Variants in TRIQK observed in about 807,000 individuals in gnomAD.
TRIQK encodes triple QxxK/R motif containing, also known as triple QxxK/R motif-containing protein.
TRIQK carries 10 observed loss-of-function variants against 10.8 expected under a neutral mutation model. The observed-to-expected ratio is 0.92, with a 90% CI of 0.57 to 1.57. TRIQK has a LOEUF of 1.57. TRIQK is among the 40% of genes most tolerant of loss of function. The probability of loss-of-function intolerance (pLI) is 0.00; values close to 1 mark genes in which losing one functional copy is unlikely to be tolerated. For synonymous variants in TRIQK, 33 were observed against 33.7 expected, an observed-to-expected ratio of 0.98 and a Z score of 0.07; for missense variants, 107 against 97.7, an observed-to-expected ratio of 1.09 and a Z score of -0.40.
chr8:92,908,573 G>T (rs1045117070), intron 3 of TRIQK, among the ~76,000 whole-genome samples: 1 of 151,950 alleles, frequency 6.6e-6, no homozygotes, highest in Non-Finnish European at 1.5e-5. Context: ...CCTTTAATTA[G>T]AAAAAAGTAA....
chr8:92,894,128 T>G (rs1816895469), intron 3 of TRIQK, among the ~76,000 whole-genome samples: 1 of 152,134 alleles, frequency 6.6e-6, no homozygotes, highest in Admixed American at 6.6e-5. Context: ...GAAACTGTAT[T>G]TATAATAAAA....
chr8:92,995,457 A>T (rs184659381), intron 1 of TRIQK, among the ~76,000 whole-genome samples: 1 of 152,088 alleles, frequency 6.6e-6, no homozygotes, highest in African/African-American at 2.4e-5. Flanking sequence ...GGTCTTTGTT[A>T]TTAAAATCAA....
At chr8:93,002,588 G>A (rs751062160) in intron 1 of TRIQK, among the ~76,000 whole-genome samples, 2 of 152,192 alleles carry the variant, frequency 1.3e-5, no homozygotes, top group South Asian at 2.1e-4. Context: ...GACCAATAAT[G>A]AATGAAGAAA....
intron 2 of TRIQK, among the ~76,000 whole-genome samples, chr8:92,931,287 A>C (rs763976554): frequency 1.6e-4 from 25 of 152,128 alleles, no homozygotes; most frequent in Non-Finnish European, 3.2e-4. Context: ...ATTTATATGC[A>C]TTTTACATTG....
At chr8:92,994,542 C>A (rs1813133203) in intron 1 of TRIQK, among the ~76,000 whole-genome samples, 2 of 151,992 alleles carry the variant, frequency 1.3e-5, no homozygotes, top group Admixed American at 1.3e-4. Context: ...TTATTATTTT[C>A]ATTTTTATGT....
intron 1 of TRIQK, among the ~76,000 whole-genome samples, chr8:92,956,104 C>T (rs185465591): frequency 1.3e-4 from 19 of 151,634 alleles, no homozygotes; most frequent in African/African-American, 4.1e-4. Flanking sequence ...AACTTATATA[C>T]GAATGTTCAT....
At chr8:93,003,295 G>A (rs1813233051) in intron 1 of TRIQK, among the ~76,000 whole-genome samples, 1 of 132,628 alleles carries the variant, frequency 7.5e-6, no homozygotes, top group South Asian at 2.4e-4. Flanking sequence ...AAGCAAGCAT[G>A]TTTCCCGCTT....
intron 2 of TRIQK, among the ~76,000 whole-genome samples, chr8:92,919,599 CT>C (rs1182226534): frequency 6.6e-6 from 1 of 151,444 alleles, no homozygotes; most frequent in East Asian, 1.9e-4. Context: ...TGTAGTATTC[CT>C]TTTTTTTATT....
At position 92,933,079 on chromosome 8, in the gene TRIQK, A is replaced by G. The variant is rs147130150; in HGVS notation, c.-21-16069T>C. Among the ~76,000 whole-genome samples the G allele has an allele frequency of 1.1e-4, 17 of 152,228 alleles. No homozygotes were observed. The East Asian group carries it at 3.3e-3, about 29-fold the overall frequency. On this transcript the variant is annotated intron_variant, in intron 2 of 4. Coordinates refer to ENST00000521988, the MANE Select transcript of TRIQK (RefSeq NM_001171797.2). Reference sequence around the variant, plus strand: ...ATATGCTCATTTCTAATAAACTGATACTGTTCACAGGCCTTCTAAGGAGAG... The same window carrying G: ...ATATGCTCATTTCTAATAAACTGATGCTGTTCACAGGCCTTCTAAGGAGAG...
intron 1 of TRIQK, among the ~76,000 whole-genome samples, chr8:92,982,111 A>C (rs1252272445): frequency 6.6e-6 from 1 of 151,812 alleles, no homozygotes; most frequent in Non-Finnish European, 1.5e-5. Context: ...TTTCCTTAGA[A>C]AAATAAATAT....
At chr8:92,974,103 A>C (rs1308995668) in intron 1 of TRIQK, 1 of 152,294 alleles carries the variant, frequency 6.6e-6, no homozygotes, top group African/African-American at 2.4e-5. Flanking sequence ...CCTTGTCAAC[A>C]GTTAGCTGGA....
chr8:92,888,474 A>C (rs1157208310), intron 4 of TRIQK, among the ~76,000 whole-genome samples: 1 of 151,650 alleles, frequency 6.6e-6, no homozygotes, highest in Non-Finnish European at 1.5e-5. Context: ...TGTGGCTTAA[A>C]GGTACTAGGT....
rs189866980 is a variant in TRIQK at position 92,906,536 on chromosome 8, G to T, written c.61+10393C>A. On this transcript the variant is annotated intron_variant, in intron 3 of 4. Transcript: ENST00000521988. ...CTACTATGACCAACTAGAGAACTGA[G>T]AATGATAGCCTGAACCTATATTTCT... Among the ~76,000 whole-genome samples, 273 of 152,174 alleles carry T rather than the reference G, an allele frequency of 1.8e-3. 2 individuals are homozygous for T. The highest frequency in any genetic ancestry group is 6.8e-3 in the Middle Eastern group (2 of 294).
intron 1 of TRIQK, among the ~76,000 whole-genome samples, chr8:92,957,183 C>T (rs530685390): frequency 1.3e-4 from 20 of 151,904 alleles, no homozygotes; most frequent in African/African-American, 4.8e-4. Flanking sequence ...ACAGACTCTA[C>T]CTCTGTAAAA....
Position 92,892,077 on chromosome 8 carries a change from A to G in TRIQK, c.62-3T>C. 1 of 1,493,648 alleles carries G rather than the reference A, an allele frequency of 6.7e-7. No individual in the cohort carries two copies. Among genetic ancestry groups the G allele is most frequent in the African/African-American group, 1.4e-5 (1 of 71,930 alleles). The allele number at this position is 1,493,648 out of a possible 1,614,324, so 92.5% of individuals were successfully genotyped here. ...AGTTTTTTTATAATCCTGTTTACCT[A>G]GAAAGAAATAGTTTCAGACAATGAG... is the stretch of plus-strand genomic sequence containing the variant. On this transcript the variant is annotated splice_polypyrimidine_tract_variant and splice_region_variant and intron_variant, in intron 3 of 4. Coordinates refer to ENST00000521988, the MANE Select transcript of TRIQK (RefSeq NM_001171797.2).
intron 2 of TRIQK, among the ~76,000 whole-genome samples, chr8:92,950,207 A>G (rs1348207978): frequency 2.6e-5 from 4 of 152,120 alleles, no homozygotes; most frequent in Non-Finnish European, 5.9e-5. Flanking sequence ...TAAGTTTTTT[A>G]TATACACTAG....
chr8:92,909,660 G>C (rs570059447), intron 3 of TRIQK, among the ~76,000 whole-genome samples: 1 of 151,764 alleles, frequency 6.6e-6, no homozygotes, highest in African/African-American at 2.4e-5. Flanking sequence ...AGCTGCTAAA[G>C]ATAAACCAAG....
intron 1 of TRIQK, among the ~76,000 whole-genome samples, chr8:92,959,423 G>A (rs868370785): frequency 6.8e-6 from 1 of 147,886 alleles, no homozygotes; most frequent in African/African-American, 2.5e-5. Flanking sequence ...TCAATTTTTA[G>A]CTATATTTAA....
chr8:93,002,163 T>C (rs940225447), intron 1 of TRIQK, among the ~76,000 whole-genome samples: 3 of 151,812 alleles, frequency 2.0e-5, no homozygotes, highest in African/African-American at 7.3e-5. Context: ...AATACTTGTA[T>C]AAAAAAGAAA....
Sources: allele counts gnomAD v4.1 joint callset (sites outside exome capture counted in the v4.1 genomes callset), GRCh38; gene constraint gnomAD v4.1.1; transcripts MANE v1.5; gene names NCBI Gene and HGNC (gene_info 2026-07-23, HGNC 2026-07-21).